Variants in WDR72 observed in about 807,000 individuals in gnomAD.
WDR72 encodes WD repeat domain 72.
Under a neutral mutation model 124.2 loss-of-function variants are expected in WDR72, and 120 were observed. That is an observed-to-expected ratio of 0.97 (90% CI 0.83 to 1.12). WDR72 has a LOEUF of 1.12. Ranked by LOEUF, WDR72 falls within the 50% of genes most tolerant of loss-of-function variation. The probability of loss-of-function intolerance (pLI) is 0.00; values close to 1 mark genes in which losing one functional copy is unlikely to be tolerated. For synonymous variants in WDR72, 452 were observed against 441.7 expected, an observed-to-expected ratio of 1.02 and a Z score of -0.29; for missense variants, 1,387 against 1,278.8, an observed-to-expected ratio of 1.08 and a Z score of -1.29.
intron 18 of WDR72, among the ~76,000 whole-genome samples, chr15:53,559,500 T>G (rs1316558213): frequency 2.0e-5 from 3 of 152,054 alleles, no homozygotes; most frequent in African/African-American, 7.2e-5. Flanking sequence ...CAACCTGATC[T>G]GAAAGAACCA....
intron 18 of WDR72, among the ~76,000 whole-genome samples, chr15:53,532,137 C>T (rs987968709): frequency 6.6e-6 from 1 of 151,952 alleles, no homozygotes; most frequent in Admixed American, 6.6e-5. Context: ...AAAAGACAGG[C>T]AATAACGAAT....
intron 14 of WDR72, among the ~76,000 whole-genome samples, chr15:53,642,395 CTATAG>C (rs1219431661): frequency 6.6e-6 from 1 of 151,972 alleles, no homozygotes; most frequent in Non-Finnish European, 1.5e-5. Flanking sequence ...CAGAATAGCT[CTATAG>C]TATCTCATTT....
At chr15:53,521,568 C>CTAAT (rs1595724761) in intron 19 of WDR72, among the ~76,000 whole-genome samples, 2 of 152,042 alleles carry the variant, frequency 1.3e-5, no homozygotes, top group Non-Finnish European at 2.9e-5. Flanking sequence ...CCTATATTTT[C>CTAAT]TAATTAATCT....
intron 18 of WDR72, among the ~76,000 whole-genome samples, chr15:53,587,778 T>C (rs2012294207): frequency 6.6e-6 from 1 of 152,044 alleles, no homozygotes; most frequent in South Asian, 2.1e-4. Flanking sequence ...TGTTTTTACA[T>C]TGTCCCTAGA....
At chr15:53,745,369 CT>C (rs896232765) in intron 1 of WDR72, among the ~76,000 whole-genome samples, 1 of 152,096 alleles carries the variant, frequency 6.6e-6, no homozygotes, top group Non-Finnish European at 1.5e-5. Context: ...CCTTCCTTTA[CT>C]TTTACAGTAT....
At chr15:53,539,789 C>T (rs1044520327) in intron 18 of WDR72, among the ~76,000 whole-genome samples, 1 of 152,028 alleles carries the variant, frequency 6.6e-6, no homozygotes, top group African/African-American at 2.4e-5. Flanking sequence ...TATGTACAAA[C>T]TTACCATCTT....
chr15:53,594,421 A>C (rs904435751), intron 18 of WDR72, among the ~76,000 whole-genome samples: 3 of 152,076 alleles, frequency 2.0e-5, no homozygotes, highest in African/African-American at 7.2e-5. Flanking sequence ...GCAAAATGAC[A>C]TATGTTGCAA....
At chr15:53,543,611 A>C (rs1238798063) in intron 18 of WDR72, among the ~76,000 whole-genome samples, 12 of 151,592 alleles carry the variant, frequency 7.9e-5, no homozygotes, top group South Asian at 2.1e-4. Flanking sequence ...AAACACATTC[A>C]AAAGCTAGCA....
chr15:53,680,974 G>A (rs1015796890), intron 13 of WDR72, among the ~76,000 whole-genome samples: 3 of 152,182 alleles, frequency 2.0e-5, no homozygotes, highest in African/African-American at 4.8e-5. Context: ...TCCCTCAGTC[G>A]AATTCTCTGC....
rs60404950 is a variant in WDR72 at position 53,615,865 on chromosome 15, T to C, written c.2341A>G (p.Lys781Glu). The C allele has an allele frequency of 0.054, 86,525 of 1,613,538 alleles. 6,709 individuals carry two copies. The highest frequency in any genetic ancestry group is 0.38 in the African/African-American group (28,465 of 74,908). Reference sequence around the variant, plus strand: ...CTGGCATCTACTTTTCTTGATGGCTTAGGCTGCATTTTTTTGGAGATCTTC... The same window carrying C: ...CTGGCATCTACTTTTCTTGATGGCTCAGGCTGCATTTTTTTGGAGATCTTC... ...KMKISKKMQP[K>E]PSRKVDASLT... The change falls in exon 15 of 20, where the codon AAG (lysine) becomes GAG (glutamate). Residue 781 changes from lysine (K) to glutamate (E), a missense_variant. By Grantham distance (56) the Lys-to-Glu change is moderately conservative (BLOSUM62 1). Transcript: ENST00000360509.
intron 18 of WDR72, among the ~76,000 whole-genome samples, chr15:53,552,417 T>G (rs546993439): frequency 1.3e-5 from 2 of 152,286 alleles, no homozygotes; most frequent in African/African-American, 2.4e-5. Context: ...ACGTGACCTT[T>G]ACTTTTTCTT....
At chr15:53,754,526 C>A (rs2018851400) in intron 1 of WDR72, among the ~76,000 whole-genome samples, 1 of 151,932 alleles carries the variant, frequency 6.6e-6, no homozygotes. Context: ...TTCTACTGAC[C>A]AAAGAAGTCA....
intron 14 of WDR72, among the ~76,000 whole-genome samples, chr15:53,658,256 TCTTAA>T: frequency 1.3e-5 from 2 of 152,320 alleles, no homozygotes; most frequent in South Asian, 4.1e-4. Flanking sequence ...TTTTTCCTCA[TCTTAA>T]ATATATAACT....
intron 13 of WDR72, among the ~76,000 whole-genome samples, chr15:53,685,634 G>A (rs1025310815): frequency 2.0e-5 from 3 of 147,222 alleles, no homozygotes; most frequent in African/African-American, 7.9e-5. Flanking sequence ...TGGAAAACAC[G>A]CTGCAGGATA....
At chr15:53,613,040 GT>G (rs2013611677) in intron 16 of WDR72, among the ~76,000 whole-genome samples, 1 of 151,918 alleles carries the variant, frequency 6.6e-6, no homozygotes, top group Non-Finnish European at 1.5e-5. Flanking sequence ...GAAAGGGAAA[GT>G]AAAAAAGAAT....
chr15:53,758,343 C>T (rs1107728), intron 1 of WDR72, among the ~76,000 whole-genome samples: 47,026 of 151,894 alleles, frequency 0.31, 7,737 homozygotes, highest in East Asian at 0.41. Context: ...TTTTAAAATA[C>T]CTTTTCCAAA....
chr15:53,717,167 C>T (rs1325662647), intron 3 of WDR72, among the ~76,000 whole-genome samples: 2 of 151,984 alleles, frequency 1.3e-5, no homozygotes, highest in African/African-American at 4.8e-5. Context: ...TCTGCTTCTC[C>T]TGATTTGAAA....
intron 18 of WDR72, among the ~76,000 whole-genome samples, chr15:53,547,457 C>G (rs1893531446): frequency 6.6e-6 from 1 of 152,096 alleles, no homozygotes; most frequent in Non-Finnish European, 1.5e-5. Flanking sequence ...ATCATTCATT[C>G]TATAAACAAT....
chr15:53,590,204 TTCCCCTG>T (rs149063303), intron 18 of WDR72, among the ~76,000 whole-genome samples: 15,691 of 152,046 alleles, frequency 0.1, 1,028 homozygotes, highest in African/African-American at 0.18. Flanking sequence ...CTTCCACTTT[TTCCCCTG>T]TACCCCCAAC....
Sources: gnomAD v4.1 joint callset for allele counts (sites outside exome capture counted in the v4.1 genomes callset) on GRCh38, gnomAD v4.1.1 for gene constraint, MANE v1.5 for transcripts, NCBI Gene and HGNC (gene_info 2026-07-23, HGNC 2026-07-21) for gene names.